The following FRMPD4 variants were observed in gnomAD, a reference collection of about 807,000 sequenced individuals.
FRMPD4 encodes FERM and PDZ domain containing 4, also known as FERM and PDZ domain-containing protein 4.
In FRMPD4, 22 loss-of-function variants were observed where a neutral mutation model predicts 94.1. That is an observed-to-expected ratio of 0.23 (90% confidence interval 0.17 to 0.33). The LOEUF is 0.33. Among genes scored for constraint, FRMPD4 ranks in the 10% least tolerant of loss-of-function variants. The probability of loss-of-function intolerance (pLI) is 1.00; values close to 1 mark genes in which losing one functional copy is unlikely to be tolerated. For synonymous variants in FRMPD4, 631 were observed against 548.6 expected (o/e 1.15, Z -2.10); for missense variants, 1,111 against 1,339.9 (o/e 0.83, Z 2.67).
chrX:12,680,184 C>A (rs1053306231), intron 5 of FRMPD4, among the ~76,000 whole-genome samples: 2 of 112,077 alleles, frequency 1.8e-5, no homozygotes, highest in Non-Finnish European at 3.8e-5. Flanking sequence ...TTGTGGCCAT[C>A]TTAGCAACAG....
chrX:12,661,054 G>A (rs1477892201), intron 4 of FRMPD4, among the ~76,000 whole-genome samples: 2 of 112,015 alleles, frequency 1.8e-5, no homozygotes, highest in African/African-American at 6.5e-5. Flanking sequence ...AGATATCCAT[G>A]TGGACTTTAT....
At chrX:12,264,255 A>C (rs950446387) in intron 1 of FRMPD4, among the ~76,000 whole-genome samples, 13 of 112,028 alleles carry the variant, frequency 1.2e-4, no homozygotes, top group African/African-American at 3.9e-4. Context: ...CTAATGTAGA[A>C]TAGTAGAAGA....
chrX:12,611,185 A>G (rs1292729039), intron 3 of FRMPD4, among the ~76,000 whole-genome samples: 1 of 111,644 alleles, frequency 9.0e-6, no homozygotes, highest in African/African-American at 3.3e-5. Flanking sequence ...ATGTGCTTTT[A>G]TTATTTATTT....
chrX:12,022,832 G>A (rs996719928), intron 3 of FRMPD4, among the ~76,000 whole-genome samples: 4 of 111,189 alleles, frequency 3.6e-5, no homozygotes, highest in African/African-American at 1.3e-4. Context: ...TTTGTATGCA[G>A]CTGGCTAGAT....
intron 1 of FRMPD4, among the ~76,000 whole-genome samples, chrX:12,279,577 G>A (rs1488888543): frequency 1.8e-5 from 2 of 111,877 alleles, no homozygotes; most frequent in Non-Finnish European, 3.8e-5. Context: ...TGGCTAACAG[G>A]TTCCTTTCAA....
At chrX:12,447,195 G>T (rs2057207660) in intron 1 of FRMPD4, among the ~76,000 whole-genome samples, 1 of 111,660 alleles carries the variant, frequency 9.0e-6, no homozygotes, top group African/African-American at 3.3e-5. Flanking sequence ...GATGACCAAG[G>T]CAGAATTTCT....
intron 3 of FRMPD4, among the ~76,000 whole-genome samples, chrX:11,958,990 TG>T (rs1405265717): frequency 1.8e-5 from 2 of 111,749 alleles, no homozygotes; most frequent in Non-Finnish European, 3.8e-5. Context: ...TAAATCATGA[TG>T]CCAAAAAAAA....
intron 3 of FRMPD4, among the ~76,000 whole-genome samples, chrX:12,041,132 CAT>C (rs746324738): frequency 1.8e-5 from 2 of 111,852 alleles, no homozygotes; most frequent in African/African-American, 6.5e-5. Flanking sequence ...TTATAAATTA[CAT>C]ATGTGTTATA....
chrX:12,207,407 C>T (rs2056705182), intron 1 of FRMPD4, among the ~76,000 whole-genome samples: 1 of 111,069 alleles, frequency 9.0e-6, no homozygotes, highest in Admixed American at 9.6e-5. Context: ...AAACAAATCT[C>T]TAAGGTTCTC....
At chrX:12,111,113 A>T (rs1414375716) in intron 3 of FRMPD4, among the ~76,000 whole-genome samples, 3 of 111,769 alleles carry the variant, frequency 2.7e-5, no homozygotes, top group Admixed American at 1.9e-4. Flanking sequence ...CATTCCCAAG[A>T]CAATCCTAAG....
Position 12,616,832 on chromosome X carries a change from A to G in FRMPD4, c.422+1951A>G, listed in dbSNP as rs1361603245. Among the ~76,000 whole-genome samples the G allele has an allele frequency of 2.7e-5, 3 of 111,530 alleles. No individual in the cohort carries two copies. In the Admixed American group the frequency reaches 2.9e-4, roughly 11 times the overall value. On this transcript the variant is annotated intron_variant, in intron 4 of 16. Transcript: ENST00000675598. Reference sequence around the variant, plus strand: ...GGGCTTGATGGCAGAAGTTGCATGGATGTTTTGTTTTCCCCTAGGTGCGCA... The same window carrying G: ...GGGCTTGATGGCAGAAGTTGCATGGGTGTTTTGTTTTCCCCTAGGTGCGCA...
chrX:12,041,163 TATA>T (rs2054752593), intron 3 of FRMPD4, among the ~76,000 whole-genome samples: 1 of 112,217 alleles, frequency 8.9e-6, no homozygotes, highest in South Asian at 3.7e-4. Flanking sequence ...AATATAGTGT[TATA>T]ATTGTTGCTT....
At chrX:12,183,122 C>A (rs1371775993) in intron 1 of FRMPD4, among the ~76,000 whole-genome samples, 1 of 110,123 alleles carries the variant, frequency 9.1e-6, no homozygotes, top group Non-Finnish European at 1.9e-5. Flanking sequence ...ATCTATCTAT[C>A]TATATATATA....
chrX:12,167,839 CA>C, intron 1 of FRMPD4, among the ~76,000 whole-genome samples: 1 of 111,871 alleles, frequency 8.9e-6, no homozygotes, highest in East Asian at 2.8e-4. Context: ...TTAAAGTAAA[CA>C]AATTATTTGT....
chrX:12,514,389 TC>T (rs1425247220), intron 2 of FRMPD4, among the ~76,000 whole-genome samples: 1 of 111,967 alleles, frequency 8.9e-6, no homozygotes, highest in Non-Finnish European at 1.9e-5. Flanking sequence ...TGAGGTATGT[TC>T]CATCAATACC....
intron 2 of FRMPD4, among the ~76,000 whole-genome samples, chrX:12,524,467 T>G (rs988847549): frequency 8.9e-6 from 1 of 111,943 alleles, no homozygotes. Flanking sequence ...CTTATTCATA[T>G]GAAGTGCTAA....
At chrX:11,868,160 T>A (rs758287201) in intron 2 of FRMPD4, among the ~76,000 whole-genome samples, 7 of 112,378 alleles carry the variant, frequency 6.2e-5, no homozygotes, top group African/African-American at 2.3e-4. Flanking sequence ...CTGAAAAGAT[T>A]CGATGAATGA....
chrX:12,239,042 A>G (rs1411171129), intron 1 of FRMPD4, among the ~76,000 whole-genome samples: 1 of 112,356 alleles, frequency 8.9e-6, no homozygotes, highest in East Asian at 2.8e-4. Flanking sequence ...TCGTATATGA[A>G]TTATTTGTTT....
chrX:12,659,005 A>G (rs781462247), intron 4 of FRMPD4, among the ~76,000 whole-genome samples: 10 of 112,285 alleles, frequency 8.9e-5, no homozygotes, highest in African/African-American at 3.2e-4. Flanking sequence ...TCAGGCCCCA[A>G]ATGATCTGGG....
Sources: allele counts gnomAD v4.1 joint callset (sites outside exome capture counted in the v4.1 genomes callset), GRCh38; gene constraint gnomAD v4.1.1; transcripts MANE v1.5; gene names NCBI Gene and HGNC (gene_info 2026-07-23, HGNC 2026-07-21).